Variants in ZNF521 observed in about 807,000 individuals in gnomAD.
ZNF521 encodes the protein LYST-interacting protein 3.
In ZNF521, 14 loss-of-function variants were observed where a neutral mutation model predicts 105.5. The observed-to-expected ratio is 0.13, with a 90% CI of 0.09 to 0.21. ZNF521 has a LOEUF of 0.21. Ranked by LOEUF, ZNF521 falls within the 10% of genes least tolerant of loss-of-function variation. The pLI, the probability that ZNF521 is intolerant of heterozygous loss-of-function variation, is 1.00. For missense variants in ZNF521, 1,233 were observed against 1,629.7 expected (o/e 0.76, Z 4.19); for synonymous variants, 635 against 606.0 (o/e 1.05, Z -0.70).
At chr18:25,287,285 C>G (rs769735416) in intron 3 of ZNF521, among the ~76,000 whole-genome samples, 1 of 152,054 alleles carries the variant, frequency 6.6e-6, no homozygotes, top group East Asian at 1.9e-4. Flanking sequence ...ATTCTTGCAG[C>G]GCTTAATGCC....
At chr18:25,124,224 G>C (rs2034496857) in intron 5 of ZNF521, among the ~76,000 whole-genome samples, 1 of 152,010 alleles carries the variant, frequency 6.6e-6, no homozygotes, top group Non-Finnish European at 1.5e-5. Flanking sequence ...TCCCCTTTCT[G>C]TACCCATCAA....
At chr18:25,257,288 C>T (rs1435184447) in intron 3 of ZNF521, among the ~76,000 whole-genome samples, 1 of 151,968 alleles carries the variant, frequency 6.6e-6, no homozygotes, top group Non-Finnish European at 1.5e-5. Context: ...TCTATTTTTT[C>T]AATTTACTTG....
At chr18:25,175,990 T>C (rs2035529019) in intron 5 of ZNF521, among the ~76,000 whole-genome samples, 1 of 152,214 alleles carries the variant, frequency 6.6e-6, no homozygotes, top group Admixed American at 6.5e-5. Flanking sequence ...TTACACACAA[T>C]ACAGCTAGAA....
intron 3 of ZNF521, among the ~76,000 whole-genome samples, chr18:25,306,526 T>A: frequency 6.6e-6 from 1 of 152,184 alleles, no homozygotes; most frequent in East Asian, 1.9e-4. Flanking sequence ...GCACCCTTCT[T>A]AGCTTCCATT....
intron 7 of ZNF521, among the ~76,000 whole-genome samples, chr18:25,087,261 A>G (rs966094842): frequency 6.6e-6 from 1 of 152,212 alleles, no homozygotes; most frequent in Non-Finnish European, 1.5e-5. Context: ...AAGAGTGAAT[A>G]CTATATGTTC....
In ZNF521 at chr18:25,226,584, A is replaced by T; in HGVS notation, c.1334T>A (p.Val445Asp). The T allele has an allele frequency of 6.2e-7, 1 of 1,614,044 alleles. No homozygotes were observed. Among genetic ancestry groups the T allele is most frequent in the Non-Finnish European group, 8.5e-7 (1 of 1,180,018 alleles). The change falls in exon 4 of 8, where the codon GTC (valine) becomes GAC (aspartate). Residue 445 changes from valine to aspartate, a missense_variant. Coordinates refer to ENST00000361524, the MANE Select transcript of ZNF521 (RefSeq NM_015461.3). The surrounding 1 kb of genome is among the most constrained non-coding windows in gnomAD (Gnocchi z 4.1). Reference protein sequence around the residue: ...QAHICQYCLEVLPSLYNLNEH... With the variant: ...QAHICQYCLEDLPSLYNLNEH... ...ATTTAGGTTATAGAGTGAGGGCAGG[A>T]CCTCCAAGCAATACTGACAAATATG...
At chr18:25,106,942 T>A (rs2034084861) in intron 5 of ZNF521, among the ~76,000 whole-genome samples, 1 of 152,156 alleles carries the variant, frequency 6.6e-6, no homozygotes, top group Non-Finnish European at 1.5e-5. Flanking sequence ...CTACTACAGA[T>A]GTAAAGTAAC....
chr18:25,168,866 A>G (rs2035397004), intron 5 of ZNF521, among the ~76,000 whole-genome samples: 1 of 152,144 alleles, frequency 6.6e-6, no homozygotes, highest in Non-Finnish European at 1.5e-5. Context: ...TCCCAGCTGC[A>G]GTAGTTTACC....
chr18:25,068,498 T>C (rs1019271717), intron 7 of ZNF521, among the ~76,000 whole-genome samples: 1 of 149,902 alleles, frequency 6.7e-6, no homozygotes, highest in Non-Finnish European at 1.5e-5. Flanking sequence ...ATTGCTTTTT[T>C]TCATTTTTAA....
intron 7 of ZNF521, among the ~76,000 whole-genome samples, chr18:25,073,688 G>A (rs866891662): frequency 1.1e-4 from 17 of 152,246 alleles, no homozygotes; most frequent in East Asian, 3.9e-4. Flanking sequence ...ATAGGGACAC[G>A]GATTCCCTTC....
At chr18:25,175,994 G>C (rs1192502517) in intron 5 of ZNF521, among the ~76,000 whole-genome samples, 2 of 152,156 alleles carry the variant, frequency 1.3e-5, no homozygotes, top group Non-Finnish European at 2.9e-5. Flanking sequence ...ACACAATACA[G>C]CTAGAAACCA....
intron 5 of ZNF521, among the ~76,000 whole-genome samples, chr18:25,113,319 C>A (rs1356795306): frequency 6.6e-6 from 1 of 152,128 alleles, no homozygotes; most frequent in East Asian, 1.9e-4. Context: ...AGTCAACCAT[C>A]CACCCCCAAG....
intron 3 of ZNF521, among the ~76,000 whole-genome samples, chr18:25,244,282 G>GCACACA (rs57083520): frequency 3.5e-3 from 520 of 147,430 alleles, no homozygotes; most frequent in African/African-American, 0.011. Context: ...GTATGCATGT[G>GCACACA]CACACACACA....
At chr18:25,204,638 C>A (rs529021195) in intron 4 of ZNF521, among the ~76,000 whole-genome samples, 17 of 152,234 alleles carry the variant, frequency 1.1e-4, no homozygotes, top group African/African-American at 3.8e-4. Flanking sequence ...AACAAATTTT[C>A]TTCAAAATTT....
At chr18:25,136,310 G>C (rs1442970489) in intron 5 of ZNF521, among the ~76,000 whole-genome samples, 1 of 152,156 alleles carries the variant, frequency 6.6e-6, no homozygotes, top group East Asian at 1.9e-4. Context: ...TTTGGAGATA[G>C]AGGAGTTTTC....
At chr18:25,083,763 T>TTTGC (rs1222431125) in intron 7 of ZNF521, among the ~76,000 whole-genome samples, 1 of 151,002 alleles carries the variant, frequency 6.6e-6, no homozygotes, top group East Asian at 1.9e-4. Flanking sequence ...ATTTTGTTTG[T>TTTGC]TTGTTTGTTT....
chr18:25,250,768 G>A (rs965767201), intron 3 of ZNF521, among the ~76,000 whole-genome samples: 2 of 152,022 alleles, frequency 1.3e-5, no homozygotes, highest in African/African-American at 4.8e-5. Flanking sequence ...TAATTTCCAT[G>A]GTCTTTTCCA....
chr18:25,287,946 A>G (rs1910796577), intron 3 of ZNF521, among the ~76,000 whole-genome samples: 1 of 152,208 alleles, frequency 6.6e-6, no homozygotes, highest in Admixed American at 6.5e-5. Context: ...TAGAAATGTC[A>G]CAATGCTGAA....
At position 25,225,028 on chromosome 18, in the gene ZNF521, A is replaced by C; in HGVS notation, c.2890T>G (p.Cys964Gly). ...AAAAGGGAGGGAAACCGCTCTCCGC[A>C]AATAGGGCACATGTAGTGTTTGACA... ...GPVKHYMCPI[C>G]GERFPSLLTL... is the part of the protein sequence containing the mutation. Residue 964 changes from cysteine (C) to glycine (G), a missense_variant, in exon 4 of 8, where the codon TGC becomes GGC. Physicochemically the swap from Cys to Gly is radical, Grantham distance 159 (BLOSUM62 -3). This residue lies in a region of ZNF521 where 614 missense variants were observed against 751.5 expected (regional missense o/e 0.82). Coordinates refer to ENST00000361524, the MANE Select transcript of ZNF521 (RefSeq NM_015461.3). The surrounding 1 kb of genome is among the most constrained non-coding windows in gnomAD (Gnocchi z 5.6). The C allele has an allele frequency of 6.2e-7, 1 of 1,614,160 alleles. No homozygotes were observed.
Sources: gnomAD v4.1 joint callset for allele counts (sites outside exome capture counted in the v4.1 genomes callset) on GRCh38, gnomAD v4.1.1 for gene constraint, gnomAD v4.1.1 regional missense constraint, Gnocchi (gnomAD v3.1) non-coding constraint, MANE v1.5 for transcripts, NCBI Gene and HGNC (gene_info 2026-07-23, HGNC 2026-07-21) for gene names.